HCN3: variants seen among roughly 807,000 people sequenced by gnomAD.
The protein encoded by HCN3 is hyperpolarization activated cyclic nucleotide gated potassium channel 3, also known as potassium/sodium hyperpolarization-activated cyclic nucleotide-gated channel 3.
Under a neutral mutation model 56.8 loss-of-function variants are expected in HCN3, and 36 were observed. The ratio of observed to expected loss-of-function variants is 0.63; its 90% CI spans 0.49 to 0.84. HCN3 has a LOEUF of 0.84. Ranked by LOEUF, HCN3 falls within the 40% of genes least tolerant of loss-of-function variation. The pLI is 0.00. For synonymous variants in HCN3, 425 were observed against 439.7 expected (o/e 0.97, Z 0.42); for missense variants, 930 against 1,079.3 (o/e 0.86, Z 1.94).
At chr1:155,283,597 G>T (rs997174863) in intron 2 of HCN3, among the ~76,000 whole-genome samples, 1 of 133,680 alleles carries the variant, frequency 7.5e-6, no homozygotes, top group African/African-American at 2.9e-5. Flanking sequence ...GGAAAGGAGA[G>T]GGCTGCTGGA....
In HCN3 at chr1:155,277,472, C is replaced by A; in HGVS notation, c.-119C>A. On this transcript the variant is annotated 5_prime_UTR_variant, in exon 1 of 8. Coordinates refer to ENST00000368358, the MANE Select transcript of HCN3 (RefSeq NM_020897.3). The stretch of plus-strand genomic sequence containing the variant: ...CGCCCCGCGCGCCGGCGATTCCGAG[C>A]CTACGACGCCTCCGCTAGAGCCCGC... The A allele has an allele frequency of 1.6e-6, 2 of 1,273,960 alleles. No individual in the cohort carries two copies. The highest frequency in any genetic ancestry group is 2.1e-6 in the Non-Finnish European group (2 of 952,962). The allele number at this position is 1,273,960 out of a possible 1,614,324, so 78.9% of individuals were successfully genotyped here. A position where few individuals can be genotyped will look rare whatever the true frequency, so the allele number is the denominator to read the frequency against.
In HCN3 at chr1:155,285,202, T is replaced by A; in HGVS notation, c.1127T>A (p.Leu376Gln). 6 of 1,614,196 alleles carry A rather than the reference T, an allele frequency of 3.7e-6. No individual in the cohort carries two copies. The highest frequency in any genetic ancestry group is 5.1e-6 in the Non-Finnish European group (6 of 1,180,030). The change falls in exon 5 of 8, where the codon CTG becomes CAG. Residue 376 changes from leucine to glutamine, a missense_variant. Transcript: ENST00000368358. The surrounding 1 kb of genome is among the most constrained non-coding windows in gnomAD (Gnocchi z 4.5). ...GAGCAGTACATGTCCTTCCACAAGC[T>A]GCCAGCAGACACGCGGCAGCGCATC... ...QVEQYMSFHK[L>Q]PADTRQRIHE...
At chr1:155,286,375 G>A (rs894562228) in intron 6 of HCN3, among the ~76,000 whole-genome samples, 1 of 152,146 alleles carries the variant, frequency 6.6e-6, no homozygotes, top group Non-Finnish European at 1.5e-5. Flanking sequence ...TCGATCTCCT[G>A]ACCTCGTGAT....
Position 155,284,340 on chromosome 1 carries a change from A to C in HCN3, c.871-199A>C. On this transcript the variant is annotated intron_variant, in intron 3 of 7. Coordinates refer to ENST00000368358, the MANE Select transcript of HCN3 (RefSeq NM_020897.3). The surrounding 1 kb of genome is among the most constrained non-coding windows in gnomAD (Gnocchi z 4.3). ...GGGAGCAGGCAAAGGAAGGGTACCT[A>C]CCCGGAAGCTGAGGCCCCCAAGTTG... 1 of 834,544 alleles carries C rather than the reference A, an allele frequency of 1.2e-6. No individual in the cohort carries two copies. Among genetic ancestry groups the C allele is most frequent in the South Asian group, 1.8e-5 (1 of 54,736 alleles). 51.7% of individuals were successfully genotyped at this position (834,544 alleles called of 1,614,324 possible).
Position 155,285,173 on chromosome 1 carries a change from G to A in HCN3, c.1098G>A (p.Gln366=), listed in dbSNP as rs200107504. 1 of 1,614,042 alleles carries A rather than the reference G, an allele frequency of 6.2e-7. No individual in the cohort carries two copies. Among genetic ancestry groups the A allele is most frequent in the East Asian group, 2.2e-5 (1 of 44,872 alleles). The change falls in exon 5 of 8, where the codon CAG becomes CAA. Residue 366 remains glutamine (Q), a synonymous_variant. Coordinates refer to ENST00000368358, the MANE Select transcript of HCN3 (RefSeq NM_020897.3). This position sits in a 1 kb window ranked among gnomAD's most constrained non-coding sequence, Gnocchi z 4.5. ...SRRQYQEKYK[Q]VEQYMSFHKL... ...ATGGGCTGGCCCTCCAGTACAAGCA[G>A]GTGGAGCAGTACATGTCCTTCCACA...
In HCN3 at chr1:155,287,811, G is replaced by A. The variant is rs756971954; in HGVS notation, c.1673G>A (p.Arg558His). The change falls in exon 8 of 8, where the codon CGC (arginine) becomes CAC (histidine). Residue 558 changes from arginine (R) to histidine (H), a missense_variant. Arg to His is a conservative substitution (Grantham distance 29, BLOSUM62 0). Coordinates refer to ENST00000368358, the MANE Select transcript of HCN3 (RefSeq NM_020897.3). ...GKKNSILQRK[R>H]SEPSPGSSGG... ...AAGAATTCCATACTGCAGCGGAAGC[G>A]CTCCGAGCCAAGTCCAGGCAGCAGT... is the stretch of plus-strand genomic sequence containing the variant. The A allele has an allele frequency of 3.7e-5, 60 of 1,601,526 alleles. No homozygotes were observed. The highest frequency in any genetic ancestry group is 4.8e-5 in the Non-Finnish European group (56 of 1,171,732).
Position 155,288,436 on chromosome 1 carries a change from G to T in HCN3, c.2298G>T (p.Arg766=), listed in dbSNP as rs1674395373. 2 of 1,606,022 alleles carry T rather than the reference G, an allele frequency of 1.2e-6. No individual in the cohort carries two copies. The highest frequency in any genetic ancestry group is 1.7e-5 in the Admixed American group (1 of 58,124). Residue 766 remains arginine, a synonymous_variant, in exon 8 of 8, where the codon CGG becomes CGT. Transcript: ENST00000368358. This position sits in a 1 kb window ranked among gnomAD's most constrained non-coding sequence, Gnocchi z 6.5. ...CAGTGCCTGAGCCAGCCACACCCCG[G>T]GGTCTCCAGCTTTCTGCCAACATGT... ...RPPVPEPATP[R]GLQLSANM is the part of the protein sequence containing the mutation.
chr1:155,287,090 A>G (rs984847326), intron 6 of HCN3, 83 bp from the exon 7 acceptor site: 5 of 1,509,168 alleles, frequency 3.3e-6, no homozygotes, highest in Non-Finnish European at 4.5e-6. Flanking sequence ...AGCCTTAGAA[A>G]GTTGGGTCCA....
chr1:155,286,033 C>T, intron 6 of HCN3, 69 bp downstream of exon 6: 1 of 1,522,252 alleles, frequency 6.6e-7, no homozygotes, highest in Non-Finnish European at 8.8e-7. Flanking sequence ...CTCCCAGGCT[C>T]TGGGTCCCTG....
chr1:155,280,745 T>A (rs1674007888), intron 1 of HCN3, among the ~76,000 whole-genome samples: 1 of 106,596 alleles, frequency 9.4e-6, no homozygotes, highest in African/African-American at 3.7e-5. Flanking sequence ...GCTATTTTTT[T>A]TTTTTTTTTT....
At position 155,288,721 on chromosome 1, in the gene HCN3, C is replaced by T. The variant is rs534835384; in HGVS notation, c.*258C>T. The stretch of plus-strand genomic sequence containing the variant: ...ACCATGTTCAAGGTAATATGCCAGG[C>T]GCTGTATGTCTCCACTGCCAAGTAG... On this transcript the variant is annotated 3_prime_UTR_variant, in exon 8 of 8. Coordinates refer to ENST00000368358, the MANE Select transcript of HCN3 (RefSeq NM_020897.3). This position sits in a 1 kb window ranked among gnomAD's most constrained non-coding sequence, Gnocchi z 6.5. 28 of 496,748 alleles carry T rather than the reference C, an allele frequency of 5.6e-5. No homozygotes were observed. Among genetic ancestry groups the T allele is most frequent in the Admixed American group, 3.0e-4 (8 of 26,304 alleles). 30.8% of individuals were successfully genotyped at this position (496,748 alleles called of 1,614,324 possible).
Position 155,285,863 on chromosome 1 carries a change from G to T in HCN3, c.1376G>T (p.Gly459Val). 3.1e-6 allele frequency: 5 copies of T among 1,614,218 alleles called. No homozygotes were observed. Among genetic ancestry groups the T allele is most frequent in the Non-Finnish European group, 4.2e-6 (5 of 1,180,036 alleles). ...CCGGGGGATCTCGTGGTGCGTGAGG[G>T]CTCCGTGGGGAGGAAGATGTACTTC... is the stretch of plus-strand genomic sequence containing the variant. ...FQPGDLVVREGSVGRKMYFIQ... is the reference protein window; with the variant it reads ...FQPGDLVVREVSVGRKMYFIQ... Residue 459 changes from glycine (G) to valine (V), a missense_variant, in exon 6 of 8, where the codon GGC becomes GTC. Coordinates refer to ENST00000368358, the MANE Select transcript of HCN3 (RefSeq NM_020897.3). This position sits in a 1 kb window ranked among gnomAD's most constrained non-coding sequence, Gnocchi z 4.5.
rs1215271567 is a variant in HCN3 at position 155,285,517 on chromosome 1, G to C, written c.1236+206G>C. On this transcript the variant is annotated intron_variant, in intron 5 of 7. Coordinates refer to ENST00000368358, the MANE Select transcript of HCN3 (RefSeq NM_020897.3). The surrounding 1 kb of genome is among the most constrained non-coding windows in gnomAD (Gnocchi z 4.5). The stretch of plus-strand genomic sequence containing the variant: ...AGGATACATGAGGAGGGACTATAGG[G>C]ATCTCTGTTTTTGGGGGATGGTCCT... Among the ~76,000 whole-genome samples the C allele has an allele frequency of 6.6e-6, 1 of 152,350 alleles. No individual in the cohort carries two copies. The highest frequency in any genetic ancestry group is 1.9e-4 in the East Asian group (1 of 5,176).
intron 1 of HCN3, among the ~76,000 whole-genome samples, chr1:155,278,797 C>T (rs950307564): frequency 1.3e-5 from 2 of 152,194 alleles, no homozygotes; most frequent in African/African-American, 4.8e-5. Context: ...TTTGCTGCCT[C>T]GTTCCCACCC....
Position 155,288,562 on chromosome 1 carries a change from C to A in HCN3, c.*99C>A. On this transcript the variant is annotated 3_prime_UTR_variant, in exon 8 of 8. Coordinates refer to ENST00000368358, the MANE Select transcript of HCN3 (RefSeq NM_020897.3). The surrounding 1 kb of genome is among the most constrained non-coding windows in gnomAD (Gnocchi z 6.5). ...AGGCCATGGGGACCTGAAACATTGCCCCATGGAAATGTCGACCCTGTGCGG... is the reference window on the plus strand; with the variant it reads ...AGGCCATGGGGACCTGAAACATTGCACCATGGAAATGTCGACCCTGTGCGG... The A allele has an allele frequency of 6.9e-7, 1 of 1,448,576 alleles. No individual in the cohort carries two copies. Among genetic ancestry groups the A allele is most frequent in the South Asian group, 1.4e-5 (1 of 73,018 alleles). 89.7% of individuals were successfully genotyped at this position (1,448,576 alleles called of 1,614,324 possible).
chr1:155,284,148 C>T lies in HCN3; in HGVS notation c.870+13C>T, dbSNP rs1400853739. 6.2e-7 allele frequency: 1 copy of T among 1,612,286 alleles called. No individual in the cohort carries two copies. The highest frequency in any genetic ancestry group is 1.7e-5 in the Admixed American group (1 of 60,002). On this transcript the variant is annotated intron_variant, in intron 3 of 7. Transcript: ENST00000368358. This position sits in a 1 kb window ranked among gnomAD's most constrained non-coding sequence, Gnocchi z 4.3. ...CAACCACATGGTGGTGAGAAGTCCC[C>T]ACAGCTCTGCCTTTCCTGGGCCTTC...
Position 155,284,443 on chromosome 1 carries a change from G to A in HCN3, c.871-96G>A, listed in dbSNP as rs1163805135. ...GCCAGGAGGAAGGCCTGCAGTAGAA[G>A]GGGCAGACAGAAAGACCAAAGAAGG... is the stretch of plus-strand genomic sequence containing the variant. On this transcript the variant is annotated intron_variant, in intron 3 of 7. Coordinates refer to ENST00000368358, the MANE Select transcript of HCN3 (RefSeq NM_020897.3). This position sits in a 1 kb window ranked among gnomAD's most constrained non-coding sequence, Gnocchi z 4.3. 7.6e-7 allele frequency: 1 copy of A among 1,313,770 alleles called. No individual in the cohort carries two copies. The highest frequency in any genetic ancestry group is 2.4e-5 in the East Asian group (1 of 40,936). 81.4% of individuals were successfully genotyped at this position (1,313,770 alleles called of 1,614,324 possible). A position where few individuals can be genotyped will look rare whatever the true frequency, so the allele number is the denominator to read the frequency against.
chr1:155,285,811 A>G lies in HCN3; in HGVS notation c.1324A>G (p.Thr442Ala). The G allele has an allele frequency of 5.0e-6, 8 of 1,613,326 alleles. No homozygotes were observed. Among genetic ancestry groups the G allele is most frequent in the Non-Finnish European group, 5.9e-6 (7 of 1,179,818 alleles). ...ADPSFVTAVL[T>A]KLRFEVFQPG... Reference sequence around the variant, plus strand: ...CCCCAGCTTCGTCACTGCAGTTCTCACCAAGCTGCGCTTTGAGGTCTTCCA... The same window carrying G: ...CCCCAGCTTCGTCACTGCAGTTCTCGCCAAGCTGCGCTTTGAGGTCTTCCA... The change falls in exon 6 of 8, where the codon ACC becomes GCC. Residue 442 changes from threonine (T) to alanine (A), a missense_variant. Thr to Ala is a moderately conservative substitution (Grantham distance 58, BLOSUM62 0). Transcript: ENST00000368358. This position sits in a 1 kb window ranked among gnomAD's most constrained non-coding sequence, Gnocchi z 4.5.
At chr1:155,286,060 A>G (rs1161577226) in intron 6 of HCN3, 96 bp downstream of exon 6, 53 of 1,471,044 alleles carry the variant, frequency 3.6e-5, no homozygotes, top group Non-Finnish European at 4.8e-5. Flanking sequence ...TACGCTGCAG[A>G]ATCACAGAGC....
Sources: gnomAD v4.1 joint callset for allele counts (sites outside exome capture counted in the v4.1 genomes callset) on GRCh38, gnomAD v4.1.1 for gene constraint, Gnocchi (gnomAD v3.1) non-coding constraint, MANE v1.5 for transcripts, NCBI Gene and HGNC (gene_info 2026-07-23, HGNC 2026-07-21) for gene names.